The following NSUN3 variants were observed in gnomAD, a reference collection of about 807,000 sequenced individuals.
NSUN3 encodes NOP2/Sun RNA methyltransferase 3.
NSUN3 carries 24 observed loss-of-function variants against 36.8 expected under a neutral mutation model. The observed-to-expected ratio is 0.65, with a 90% confidence interval of 0.47 to 0.92. NSUN3 has a LOEUF of 0.92. Among genes scored for constraint, NSUN3 ranks in the 40% least tolerant of loss-of-function variants. The probability of loss-of-function intolerance (pLI) is 0.00; values close to 1 mark genes in which losing one functional copy is unlikely to be tolerated. For synonymous variants in NSUN3, 146 were observed against 145.2 expected (o/e 1.01, Z -0.04); for missense variants, 381 against 392.8 (o/e 0.97, Z 0.25).
At chr3:94,119,276 T>C (rs1171226865) in intron 5 of NSUN3, among the ~76,000 whole-genome samples, 1 of 152,228 alleles carries the variant, frequency 6.6e-6, no homozygotes, top group Non-Finnish European at 1.5e-5. Flanking sequence ...ATTGAACTTG[T>C]CTGATTATAG....
In NSUN3 at chr3:94,131,160, C is replaced by G. The variant is rs1043008458; in HGVS notation, c.*4670C>G. Reference sequence around the variant, plus strand: ...TTCAAACCCCTGGCCTCAAGTGATCCTCCCACTTCAGCCTCCCAAAGTATT... The same window carrying G: ...TTCAAACCCCTGGCCTCAAGTGATCGTCCCACTTCAGCCTCCCAAAGTATT... On this transcript the variant is annotated 3_prime_UTR_variant, in exon 6 of 6. Transcript: ENST00000314622. Among the ~76,000 whole-genome samples the G allele has an allele frequency of 2.0e-5, 3 of 152,042 alleles. No individual in the cohort carries two copies. The highest frequency in any genetic ancestry group is 4.4e-5 in the Non-Finnish European group (3 of 68,016).
intron 5 of NSUN3, among the ~76,000 whole-genome samples, chr3:94,115,237 C>G (rs2077434906): frequency 6.6e-6 from 1 of 152,026 alleles, no homozygotes; most frequent in Non-Finnish European, 1.5e-5. Context: ...TACAATGGAC[C>G]AACTGCAGGA....
chr3:94,101,249 T>C lies in NSUN3; in HGVS notation c.743+6095T>C, dbSNP rs948774226. ...TCCAAGTGATCCTGACTCTTTGGCC[T>C]CCCAAGTGCTGAGACCATAAGCACG... On this transcript the variant is annotated intron_variant, in intron 5 of 5. Transcript: ENST00000314622. Among the ~76,000 whole-genome samples, 11 of 152,114 alleles carry C rather than the reference T, an allele frequency of 7.2e-5. No individual in the cohort carries two copies. The East Asian group carries it at 2.1e-3, about 29-fold the overall frequency.
chr3:94,097,723 C>T (rs115138885), intron 5 of NSUN3, among the ~76,000 whole-genome samples: 45 of 152,260 alleles, frequency 3.0e-4, no homozygotes, highest in Admixed American at 5.2e-4. Context: ...ATATTCTCTT[C>T]CCTTGACATT....
intron 2 of NSUN3, chr3:94,075,913 AC>A (rs2077243917): frequency 7.1e-7 from 1 of 1,400,556 alleles, no homozygotes; most frequent in Non-Finnish European, 1.0e-6. Context: ...CGTATCTAGG[AC>A]CCTTGTCCTT....
chr3:94,063,290 T>G, intron 1 of NSUN3, 152 bp downstream of exon 1: 1 of 807,574 alleles, frequency 1.2e-6, no homozygotes. Context: ...TGTCAAGCCC[T>G]GAAATAATGC....
chr3:94,109,576 G>A (rs562036944), intron 5 of NSUN3, among the ~76,000 whole-genome samples: 3 of 152,296 alleles, frequency 2.0e-5, no homozygotes, highest in Admixed American at 6.5e-5. Flanking sequence ...TAGAATCCAC[G>A]AAGACAAAAG....
At chr3:94,091,796 T>C (rs1003246567) in intron 3 of NSUN3, among the ~76,000 whole-genome samples, 2 of 152,214 alleles carry the variant, frequency 1.3e-5, no homozygotes, top group Non-Finnish European at 2.9e-5. Flanking sequence ...TGATAGGCAG[T>C]GGTGAACAAT....
At chr3:94,104,688 T>C (rs1311337745) in intron 5 of NSUN3, among the ~76,000 whole-genome samples, 3 of 152,238 alleles carry the variant, frequency 2.0e-5, no homozygotes, top group Non-Finnish European at 4.4e-5. Flanking sequence ...CTGAAGTATT[T>C]CTAATAATGA....
intron 5 of NSUN3, 142 bp from the exon 6 acceptor site, chr3:94,126,069 A>T: frequency 1.5e-6 from 1 of 688,062 alleles, no homozygotes. Context: ...CAAAAAAAAA[A>T]AAAAGACTAG....
At chr3:94,120,463 T>C (rs139549627) in intron 5 of NSUN3, among the ~76,000 whole-genome samples, 56 of 152,330 alleles carry the variant, frequency 3.7e-4, no homozygotes, top group Non-Finnish European at 6.3e-4. Flanking sequence ...CCATTCTACT[T>C]TCTGTCTCTA....
intron 2 of NSUN3, among the ~76,000 whole-genome samples, chr3:94,077,815 T>C (rs1689784593): frequency 6.6e-6 from 1 of 152,222 alleles, no homozygotes; most frequent in Non-Finnish European, 1.5e-5. Context: ...TGCGTCTATT[T>C]GATTCTTCTC....
chr3:94,121,596 T>C (rs1376617831), intron 5 of NSUN3, among the ~76,000 whole-genome samples: 1 of 152,164 alleles, frequency 6.6e-6, no homozygotes, highest in African/African-American at 2.4e-5. Context: ...GCCTTTTTTG[T>C]TTCCATGGGG....
chr3:94,094,633 G>A (rs1276099730), intron 4 of NSUN3, among the ~76,000 whole-genome samples: 4 of 152,154 alleles, frequency 2.6e-5, no homozygotes, highest in Non-Finnish European at 5.9e-5. Flanking sequence ...AGAAAAAGAG[G>A]TTATTTCAGT....
At chr3:94,121,683 A>C (rs1011010947) in intron 5 of NSUN3, among the ~76,000 whole-genome samples, 2 of 152,206 alleles carry the variant, frequency 1.3e-5, no homozygotes, top group Non-Finnish European at 2.9e-5. Flanking sequence ...CAAACACCGA[A>C]GTATGAGAAG....
chr3:94,070,021 C>A (rs1488299766), intron 2 of NSUN3, among the ~76,000 whole-genome samples: 1 of 151,702 alleles, frequency 6.6e-6, no homozygotes, highest in Non-Finnish European at 1.5e-5. Flanking sequence ...AGGAATTTTT[C>A]TTTTGTTTCT....
In NSUN3 at chr3:94,095,068, C is replaced by A. The variant is rs1217927147; in HGVS notation, c.657C>A (p.Ser219Arg). Residue 219 changes from serine to arginine, a missense_variant, in exon 5 of 6, where the codon AGC (serine) becomes AGA (arginine). Coordinates refer to ENST00000314622, the MANE Select transcript of NSUN3 (RefSeq NM_022072.5). The part of the protein sequence containing the change: ...LVDAPCSNDR[S>R]WLFSSDSQKA... ...ATGCTCCGTGTTCAAATGATCGAAG[C>A]TGGTTGTTTTCTTCTGACTCTCAGA... 2.2e-5 allele frequency: 36 copies of A among 1,613,854 alleles called. No homozygotes were observed. Among genetic ancestry groups the A allele is most frequent in the Non-Finnish European group, 3.1e-5 (36 of 1,179,886 alleles).
chr3:94,116,360 C>G (rs949625651), intron 5 of NSUN3, among the ~76,000 whole-genome samples: 1 of 152,068 alleles, frequency 6.6e-6, no homozygotes, highest in African/African-American at 2.4e-5. Flanking sequence ...TTAAAAAATA[C>G]GTTTATTATT....
intron 2 of NSUN3, among the ~76,000 whole-genome samples, chr3:94,066,107 G>A: frequency 6.7e-6 from 1 of 149,334 alleles, no homozygotes. Flanking sequence ...AGACTTTGTA[G>A]CAGTCTGGCT....
Sources: gnomAD v4.1 joint callset for allele counts (sites outside exome capture counted in the v4.1 genomes callset) on GRCh38, gnomAD v4.1.1 for gene constraint, MANE v1.5 for transcripts, NCBI Gene and HGNC (gene_info 2026-07-23, HGNC 2026-07-21) for gene names.